The following SLC20A2 variants were observed in gnomAD, a reference collection of about 807,000 sequenced individuals.
SLC20A2 encodes sodium-dependent phosphate transporter 2.
SLC20A2 carries 30 observed loss-of-function variants against 61.0 expected under a neutral mutation model. The observed-to-expected ratio is 0.49, with a 90% CI of 0.37 to 0.67. The LOEUF (loss-of-function observed/expected upper bound fraction) is 0.67. Among genes scored for constraint, SLC20A2 ranks in the 30% least tolerant of loss-of-function variants. The probability of loss-of-function intolerance (pLI) is 0.00; values close to 1 mark genes in which losing one functional copy is unlikely to be tolerated. For missense variants in SLC20A2, 626 were observed against 866.4 expected (o/e 0.72, Z 3.48); for synonymous variants, 351 against 353.3 (o/e 0.99, Z 0.07).
At chr8:42,431,332 T>C (rs1803856031) in intron 8 of SLC20A2, among the ~76,000 whole-genome samples, 1 of 151,454 alleles carries the variant, frequency 6.6e-6, no homozygotes, top group African/African-American at 2.5e-5. Flanking sequence ...AGCCACAACA[T>C]TCCCTTAAGT....
At chr8:42,459,248 A>C (rs867651964) in intron 5 of SLC20A2, among the ~76,000 whole-genome samples, 65 of 149,688 alleles carry the variant, frequency 4.3e-4, no homozygotes, top group Non-Finnish European at 8.0e-4. Context: ...AAAAAAAAAA[A>C]AAAAAAAAAA....
chr8:42,455,512 T>C (rs1806129464), intron 5 of SLC20A2, among the ~76,000 whole-genome samples: 2 of 151,496 alleles, frequency 1.3e-5, no homozygotes, highest in Admixed American at 1.3e-4. Context: ...TACAAAAAAT[T>C]AGCCGGGTGT....
chr8:42,507,877 T>C (rs1024046592), intron 1 of SLC20A2, among the ~76,000 whole-genome samples: 1 of 152,200 alleles, frequency 6.6e-6, no homozygotes, highest in Non-Finnish European at 1.5e-5. Context: ...CAAGAAAGGC[T>C]GGCCCGGCGC....
intron 2 of SLC20A2, among the ~76,000 whole-genome samples, chr8:42,469,185 GA>G (rs1807428718): frequency 6.6e-6 from 1 of 152,180 alleles, no homozygotes; most frequent in African/African-American, 2.4e-5. Context: ...CATCTGGACA[GA>G]ATCAGCTGTG....
At chr8:42,454,861 T>A (rs547807236) in intron 5 of SLC20A2, among the ~76,000 whole-genome samples, 1 of 152,210 alleles carries the variant, frequency 6.6e-6, no homozygotes, top group East Asian at 1.9e-4. Flanking sequence ...TTAACCACCA[T>A]GACCAGCCCA....
intron 6 of SLC20A2, among the ~76,000 whole-genome samples, chr8:42,443,856 T>G (rs987323900): frequency 3.3e-5 from 5 of 152,114 alleles, no homozygotes; most frequent in African/African-American, 9.7e-5. Context: ...AAATAAAAAT[T>G]TAAGAAAATG....
At chr8:42,491,772 G>A (rs917370476) in intron 1 of SLC20A2, among the ~76,000 whole-genome samples, 8 of 152,050 alleles carry the variant, frequency 5.3e-5, no homozygotes, top group Non-Finnish European at 4.4e-5. Context: ...TCCCTTCTAA[G>A]GAAGTAAAAA....
At chr8:42,504,863 A>AAAAAAAAAAAAAAAAAAAAC (rs1810556328), upstream of SLC20A2, among the ~76,000 whole-genome samples, 1 of 136,572 alleles carries the variant, frequency 7.3e-6, no homozygotes, top group Non-Finnish European at 1.5e-5. Context: ...AAAAAAAAAA[A>AAAAAAAAAAAAAAAAAAAAC]AAAAAAAAAA....
intron 5 of SLC20A2, among the ~76,000 whole-genome samples, chr8:42,454,858 C>T (rs1250184321): frequency 6.6e-6 from 1 of 152,028 alleles, no homozygotes; most frequent in Non-Finnish European, 1.5e-5. Flanking sequence ...GTGTTAACCA[C>T]CATGACCAGC....
intron 5 of SLC20A2, among the ~76,000 whole-genome samples, chr8:42,451,285 G>T (rs989314429): frequency 6.6e-6 from 1 of 151,538 alleles, no homozygotes; most frequent in Non-Finnish European, 1.5e-5. Context: ...ACAGGGAAGA[G>T]AAGAGATGGA....
chr8:42,457,564 T>G (rs1052248125), intron 5 of SLC20A2, among the ~76,000 whole-genome samples: 8 of 151,444 alleles, frequency 5.3e-5, no homozygotes, highest in African/African-American at 1.9e-4. Context: ...CACTGCAACC[T>G]CCACCTCCTG....
At position 42,472,062 on chromosome 8, in the gene SLC20A2, T is replaced by C. The variant is rs1459521672; in HGVS notation, c.289+40A>G. On this transcript the variant is annotated intron_variant, in intron 2 of 10. Transcript: ENST00000520262. The surrounding 1 kb of genome is among the most constrained non-coding windows in gnomAD (Gnocchi z 4.1). ...AAAGTACTGCAGGGAAGCGGGTCAG[T>C]GGGCGGATGTCCCATCGGTATAGAG... 3.1e-6 allele frequency: 5 copies of C among 1,587,624 alleles called. No individual in the cohort carries two copies. Among genetic ancestry groups the C allele is most frequent in the Middle Eastern group, 2.3e-4 (1 of 4,428 alleles).
intron 1 of SLC20A2, among the ~76,000 whole-genome samples, chr8:42,519,437 C>CTGCTCAAAA (rs1811513620): frequency 2.4e-5 from 3 of 126,640 alleles, no homozygotes; most frequent in African/African-American, 5.3e-5. Flanking sequence ...GAGCGAGACT[C>CTGCTCAAAA]CATCTTAAAA....
In SLC20A2 at chr8:42,437,158, C is replaced by A. The variant is rs370095133; in HGVS notation, c.1354G>T (p.Val452Leu). 1 of 1,613,756 alleles carries A rather than the reference C, an allele frequency of 6.2e-7. No homozygotes were observed. The highest frequency in any genetic ancestry group is 8.5e-7 in the Non-Finnish European group (1 of 1,180,048). The part of the protein sequence containing the change: ...EAEIEAEEGG[V>L]EMKLASELAD... Reference sequence around the variant, plus strand: ...AGCTCCGACGCCAGCTTCATCTCCACGCCGCCCTCCTCCGCCTCGATCTCC... The same window carrying A: ...AGCTCCGACGCCAGCTTCATCTCCAAGCCGCCCTCCTCCGCCTCGATCTCC... Residue 452 changes from valine (V) to leucine (L), a missense_variant, in exon 8 of 11, where the codon GTG becomes TTG. Around this residue, in one of 3 missense-constraint regions of SLC20A2, gnomAD observed 361 missense variants for 422.3 expected, o/e 0.85. Transcript: ENST00000520262. This position sits in a 1 kb window ranked among gnomAD's most constrained non-coding sequence, Gnocchi z 6.4.
chr8:42,465,335 G>T (rs1345047368), intron 3 of SLC20A2, among the ~76,000 whole-genome samples: 1 of 151,832 alleles, frequency 6.6e-6, no homozygotes, highest in Non-Finnish European at 1.5e-5. Context: ...GGGATTATAG[G>T]CGTGAGCCAC....
chr8:42,487,701 A>G (rs1374335411), intron 1 of SLC20A2, among the ~76,000 whole-genome samples: 8 of 152,194 alleles, frequency 5.3e-5, no homozygotes, highest in Admixed American at 5.2e-4. Context: ...TTTCAACTGC[A>G]GAGTTTCTTT....
intron 10 of SLC20A2, among the ~76,000 whole-genome samples, chr8:42,422,052 T>C (rs532440773): frequency 7.9e-5 from 12 of 152,076 alleles, no homozygotes; most frequent in Non-Finnish European, 1.6e-4. Flanking sequence ...AAGGTTCTTG[T>C]ATAGTATTGT....
At chr8:42,512,657 A>G (rs1037397523) in intron 1 of SLC20A2, among the ~76,000 whole-genome samples, 1 of 151,678 alleles carries the variant, frequency 6.6e-6, no homozygotes, top group Non-Finnish European at 1.5e-5. Flanking sequence ...AGCCCAAAAA[A>G]CTCTTTTTCA....
intron 1 of SLC20A2, among the ~76,000 whole-genome samples, chr8:42,491,386 T>A (rs1267972032): frequency 1.3e-5 from 2 of 151,938 alleles, no homozygotes; most frequent in African/African-American, 4.8e-5. Context: ...ATGCCTGTAA[T>A]CCCAGCTACT....
Sources: allele counts gnomAD v4.1 joint callset (sites outside exome capture counted in the v4.1 genomes callset), GRCh38; gene constraint gnomAD v4.1.1; regional missense constraint gnomAD v4.1.1; non-coding constraint Gnocchi (gnomAD v3.1); transcripts MANE v1.5; gene names NCBI Gene and HGNC (gene_info 2026-07-23, HGNC 2026-07-21).